The following FGF2 variants were observed in gnomAD, a reference collection of about 807,000 sequenced individuals.
The protein encoded by FGF2 is basic fibroblast growth factor bFGF.
Under a neutral mutation model 15.9 loss-of-function variants are expected in FGF2, and 13 were observed. That is an observed-to-expected ratio of 0.82 (90% CI 0.53 to 1.30). The LOEUF is 1.30. Among genes scored for constraint, FGF2 ranks in the 50% most tolerant of loss-of-function variants. The pLI is 0.00. For synonymous variants in FGF2, 90 were observed against 78.4 expected (o/e 1.15, Z -0.78); for missense variants, 163 against 196.9 (o/e 0.83, Z 1.03).
intron 1 of FGF2, among the ~76,000 whole-genome samples, chr4:122,836,808 CATT>C (rs1252795105): frequency 1.2e-4 from 19 of 152,220 alleles, no homozygotes; most frequent in East Asian, 5.8e-4. Context: ...ACACCTTTAA[CATT>C]ATTCAAGGGA....
intron 1 of FGF2, among the ~76,000 whole-genome samples, chr4:122,832,830 C>A (rs1212672125): frequency 6.6e-6 from 1 of 152,182 alleles, no homozygotes; most frequent in African/African-American, 2.4e-5. Flanking sequence ...CAGTTAGCTC[C>A]TGCTTTCTCT....
rs900385457 is a variant in FGF2 at position 122,897,422 on chromosome 4, T to C, written c.*5026T>C. On this transcript the variant is annotated 3_prime_UTR_variant, in exon 3 of 3. Coordinates refer to ENST00000644866, the MANE Select transcript of FGF2 (RefSeq NM_001361665.2). ...AATAGGTGGTATGTTCCTAATGATA[T>C]TATTTCTACTAATGGAATAAACTGT... is the stretch of plus-strand genomic sequence containing the variant. 6.8e-6 allele frequency: 4 copies of C among 584,684 alleles called. No individual in the cohort carries two copies. The Admixed American group carries it at 9.3e-5, about 14-fold the overall frequency. 36.2% of individuals were successfully genotyped at this position (584,684 alleles called of 1,614,324 possible).
rs1727319388 is a variant in FGF2 at position 122,895,426 on chromosome 4, A to G, written c.*3030A>G. 6.6e-6 allele frequency: 1 copy of G among 152,210 alleles called. No homozygotes were observed. Among genetic ancestry groups the G allele is most frequent in the Non-Finnish European group, 1.5e-5 (1 of 68,034 alleles). The allele number at this position is 152,210 out of a possible 1,614,324, so 9.4% of individuals were successfully genotyped here. A position where few individuals can be genotyped will look rare whatever the true frequency, so the allele number is the denominator to read the frequency against. ...TTGTTATTTCTATTTTGTTATATTT[A>G]ATAATAGAATTAGATTGAAATAAAA... On this transcript the variant is annotated 3_prime_UTR_variant, in exon 3 of 3. Coordinates refer to ENST00000644866, the MANE Select transcript of FGF2 (RefSeq NM_001361665.2).
At chr4:122,873,360 CTT>C (rs1726777119) in intron 1 of FGF2, among the ~76,000 whole-genome samples, 1 of 152,254 alleles carries the variant, frequency 6.6e-6, no homozygotes, top group African/African-American at 2.4e-5. Context: ...AAGAGGATCT[CTT>C]AGCCCTTCTG....
intron 1 of FGF2, among the ~76,000 whole-genome samples, chr4:122,853,221 C>T (rs1726272171): frequency 6.6e-6 from 1 of 152,082 alleles, no homozygotes; most frequent in Admixed American, 6.5e-5. Flanking sequence ...TTGCTGGAGC[C>T]AGGGAAGTTG....
At chr4:122,857,364 C>T (rs1000489696) in intron 1 of FGF2, among the ~76,000 whole-genome samples, 7 of 152,212 alleles carry the variant, frequency 4.6e-5, no homozygotes, top group Non-Finnish European at 5.9e-5. Context: ...TTCTCTCTAT[C>T]TCTGAAGCTT....
At chr4:122,860,611 A>G (rs9307512) in intron 1 of FGF2, among the ~76,000 whole-genome samples, 4,668 of 151,778 alleles carry the variant, frequency 0.031, 172 homozygotes, top group African/African-American at 0.086. Flanking sequence ...ATATGCCACC[A>G]CGCCTGGCTA....
chr4:122,833,567 T>A (rs972738960), intron 1 of FGF2, among the ~76,000 whole-genome samples: 1 of 152,194 alleles, frequency 6.6e-6, no homozygotes, highest in South Asian at 2.1e-4. Context: ...TTAGGCACCT[T>A]AAGATGCTGG....
chr4:122,857,971 G>A lies in FGF2; in HGVS notation c.179-18350G>A, dbSNP rs540841347. 2.6e-5 allele frequency among the ~76,000 whole-genome samples: 4 copies of A among 152,146 alleles called. No homozygotes were observed. The East Asian group carries it at 5.8e-4, about 22-fold the overall frequency. On this transcript the variant is annotated intron_variant, in intron 1 of 2. Transcript: ENST00000644866. ...ATACACAGAAAGATTTAATGGACTC[G>A]TAAAGCCATGTCCTGATTGGGTAGT...
At chr4:122,834,008 G>C (rs1171689152) in intron 1 of FGF2, among the ~76,000 whole-genome samples, 1 of 152,190 alleles carries the variant, frequency 6.6e-6, no homozygotes, top group African/African-American at 2.4e-5. Context: ...GGAAAATCCT[G>C]GTTCTTGTCA....
At chr4:122,874,124 A>G (rs1480062321) in intron 1 of FGF2, among the ~76,000 whole-genome samples, 3 of 152,226 alleles carry the variant, frequency 2.0e-5, no homozygotes, top group Non-Finnish European at 4.4e-5. Flanking sequence ...GCCTTGCCTC[A>G]TGGGCATTTG....
In FGF2 at chr4:122,892,505, T is replaced by G; in HGVS notation, c.*109T>G. ...ATGTGTATAGCTCAGTTTGGATAAT[T>G]GGTCAAACAATTTTTTATCCAGTAG... On this transcript the variant is annotated 3_prime_UTR_variant, in exon 3 of 3. Coordinates refer to ENST00000644866, the MANE Select transcript of FGF2 (RefSeq NM_001361665.2). 1 of 1,546,080 alleles carries G rather than the reference T, an allele frequency of 6.5e-7. No homozygotes were observed. The highest frequency in any genetic ancestry group is 1.2e-5 in the South Asian group (1 of 81,812).
intron 2 of FGF2, among the ~76,000 whole-genome samples, chr4:122,879,071 A>G (rs956404268): frequency 1.3e-5 from 2 of 152,186 alleles, no homozygotes; most frequent in Non-Finnish European, 2.9e-5. Flanking sequence ...GGTGGTAGTT[A>G]AATTGGGGGA....
At position 122,827,804 on chromosome 4, in the gene FGF2, A is replaced by T. The variant is rs1489311723; in HGVS notation, c.178+452A>T. Among the ~76,000 whole-genome samples, 3 of 152,136 alleles carry T rather than the reference A, an allele frequency of 2.0e-5. No individual in the cohort carries two copies. Among genetic ancestry groups the T allele is most frequent in the African/African-American group, 7.2e-5 (3 of 41,428 alleles). ...ACACCTTTCTAGAGTCCTGCCCTTAAATTCCGACTCGGGACGACCCGAGGC... is the reference window on the plus strand; with the variant it reads ...ACACCTTTCTAGAGTCCTGCCCTTATATTCCGACTCGGGACGACCCGAGGC... On this transcript the variant is annotated intron_variant, in intron 1 of 2. Transcript: ENST00000644866. This position sits in a 1 kb window ranked among gnomAD's most constrained non-coding sequence, Gnocchi z 4.2.
chr4:122,868,990 G>C (rs918871167), intron 1 of FGF2, among the ~76,000 whole-genome samples: 5 of 152,094 alleles, frequency 3.3e-5, no homozygotes, highest in Non-Finnish European at 5.9e-5. Flanking sequence ...ATTTGTTTAA[G>C]TTCCTTATAA....
chr4:122,859,501 G>A (rs1299564760), intron 1 of FGF2, among the ~76,000 whole-genome samples: 1 of 152,054 alleles, frequency 6.6e-6, no homozygotes, highest in Non-Finnish European at 1.5e-5. Flanking sequence ...ATTCATACTT[G>A]CCCTCTTCTA....
chr4:122,839,278 A>G (rs1725927629), intron 1 of FGF2, among the ~76,000 whole-genome samples: 1 of 152,194 alleles, frequency 6.6e-6, no homozygotes, highest in African/African-American at 2.4e-5. Flanking sequence ...TCATAAAGAT[A>G]ACTAAAAGGA....
In FGF2 at chr4:122,893,235, A is replaced by G. The variant is rs1560762496; in HGVS notation, c.*839A>G. The G allele has an allele frequency of 3.8e-6, 6 of 1,582,070 alleles. No homozygotes were observed. Among genetic ancestry groups the G allele is most frequent in the Non-Finnish European group, 5.2e-6 (6 of 1,164,774 alleles). The stretch of plus-strand genomic sequence containing the variant: ...CGAACCGCTGTGTCTCCTACGTAAA[A>G]AAAGAGATGTACAAATCAATAATAA... On this transcript the variant is annotated 3_prime_UTR_variant, in exon 3 of 3. Transcript: ENST00000644866.
intron 1 of FGF2, among the ~76,000 whole-genome samples, chr4:122,867,055 G>T (rs143908673): frequency 6.6e-6 from 1 of 152,210 alleles, no homozygotes; most frequent in African/African-American, 2.4e-5. Flanking sequence ...ACATTATTCT[G>T]AGTGAAAGAG....
Sources: gnomAD v4.1 joint callset for allele counts (sites outside exome capture counted in the v4.1 genomes callset) on GRCh38, gnomAD v4.1.1 for gene constraint, Gnocchi (gnomAD v3.1) non-coding constraint, MANE v1.5 for transcripts, NCBI Gene and HGNC (gene_info 2026-07-23, HGNC 2026-07-21) for gene names.